KIF6: variants seen among roughly 807,000 people sequenced by gnomAD.
KIF6 encodes kinesin-like protein KIF6.
A neutral mutation model predicts 112.7 loss-of-function variants in KIF6; 106 were observed. The ratio of observed to expected loss-of-function variants is 0.94; its 90% CI spans 0.80 to 1.11. The LOEUF (loss-of-function observed/expected upper bound fraction) is 1.11, where lower values mean the gene tolerates loss of function less well. Ranked by LOEUF, KIF6 falls within the 50% of genes least tolerant of loss-of-function variation. KIF6 has a pLI of 0.00. For synonymous variants in KIF6, 339 were observed against 339.9 expected (o/e 1.00, Z 0.03); for missense variants, 929 against 964.0 (o/e 0.96, Z 0.48).
chr6:39,512,123 T>C (rs551246942), intron 13 of KIF6, among the ~76,000 whole-genome samples: 20 of 152,166 alleles, frequency 1.3e-4, no homozygotes, highest in Non-Finnish European at 2.8e-4. Flanking sequence ...TGATAACCGA[T>C]GGACTACAGG....
intron 3 of KIF6, among the ~76,000 whole-genome samples, chr6:39,659,183 T>C (rs890026000): frequency 6.6e-6 from 1 of 152,190 alleles, no homozygotes; most frequent in African/African-American, 2.4e-5. Flanking sequence ...TATTGTACCA[T>C]AAAGATGCAT....
At chr6:39,482,541 C>T (rs989889911) in intron 13 of KIF6, among the ~76,000 whole-genome samples, 1 of 152,172 alleles carries the variant, frequency 6.6e-6, no homozygotes, top group Non-Finnish European at 1.5e-5. Context: ...TGCATTATTT[C>T]TTTTCATATA....
intron 3 of KIF6, among the ~76,000 whole-genome samples, chr6:39,694,223 G>A (rs1329974826): frequency 6.6e-6 from 1 of 151,848 alleles, no homozygotes; most frequent in Non-Finnish European, 1.5e-5. Context: ...TACTGAATGG[G>A]CAAAAGGTGG....
chr6:39,453,616 T>C lies in KIF6; in HGVS notation c.1646-22455A>G, dbSNP rs115030307. ...CTATTTTTGTATGTTCCCCAAACCC[T>C]AAAATAAAATCCATTAATCGATCAC... is the stretch of plus-strand genomic sequence containing the variant. On this transcript the variant is annotated intron_variant, in intron 13 of 22. Transcript: ENST00000287152. 7.3e-3 allele frequency among the ~76,000 whole-genome samples: 1,118 copies of C among 152,296 alleles called. 15 individuals carry two copies. The highest frequency in any genetic ancestry group is 0.026 in the African/African-American group (1,070 of 41,566).
At chr6:39,543,194 A>G (rs1397467067) in intron 12 of KIF6, among the ~76,000 whole-genome samples, 1 of 152,188 alleles carries the variant, frequency 6.6e-6, no homozygotes, top group Non-Finnish European at 1.5e-5. Context: ...AGGAGTATTT[A>G]AAGGAGAAGA....
chr6:39,481,151 A>C (rs1001960510), intron 13 of KIF6, among the ~76,000 whole-genome samples: 2 of 152,156 alleles, frequency 1.3e-5, no homozygotes, highest in Non-Finnish European at 2.9e-5. Flanking sequence ...TTAAAAAATG[A>C]AGAAAGATAA....
intron 13 of KIF6, among the ~76,000 whole-genome samples, chr6:39,437,333 T>C (rs1444899906): frequency 6.6e-6 from 1 of 152,228 alleles, no homozygotes; most frequent in African/African-American, 2.4e-5. Flanking sequence ...TTTGACTTTC[T>C]CTTTTCCAAT....
intron 13 of KIF6, among the ~76,000 whole-genome samples, chr6:39,506,166 G>A (rs1582003485): frequency 6.6e-6 from 1 of 152,188 alleles, no homozygotes; most frequent in African/African-American, 2.4e-5. Flanking sequence ...GGAATACTAT[G>A]CAGCCATAAA....
At chr6:39,354,010 C>A in intron 19 of KIF6, 1 of 386,056 alleles carries the variant, frequency 2.6e-6, no homozygotes, top group East Asian at 8.8e-5. Context: ...GGTCCAAGCC[C>A]AGATTGATAG....
chr6:39,486,035 C>G (rs979235590), intron 13 of KIF6, among the ~76,000 whole-genome samples: 5 of 152,166 alleles, frequency 3.3e-5, no homozygotes. Flanking sequence ...GAGTCCCTGC[C>G]AGGCAATGAA....
chr6:39,462,820 A>T (rs1773559925), intron 13 of KIF6, among the ~76,000 whole-genome samples: 1 of 152,136 alleles, frequency 6.6e-6, no homozygotes, highest in Non-Finnish European at 1.5e-5. Context: ...AAGGGCTAGG[A>T]ACTTGTACAG....
At chr6:39,358,386 T>G (rs944649653) in intron 18 of KIF6, among the ~76,000 whole-genome samples, 6 of 152,230 alleles carry the variant, frequency 3.9e-5, no homozygotes, top group Admixed American at 3.3e-4. Flanking sequence ...AATTGGCCCC[T>G]CTGTACCAGT....
chr6:39,421,170 C>T (rs1041609564), intron 14 of KIF6, among the ~76,000 whole-genome samples: 1 of 152,154 alleles, frequency 6.6e-6, no homozygotes, highest in Non-Finnish European at 1.5e-5. Context: ...ATGCCATTAG[C>T]GTTTGACTAG....
chr6:39,648,216 G>T, intron 3 of KIF6, among the ~76,000 whole-genome samples: 1 of 87,140 alleles, frequency 1.1e-5, no homozygotes, highest in East Asian at 4.0e-4. Flanking sequence ...TAGAGACGGG[G>T]GGCGGGCGGG....
At chr6:39,390,762 G>A (rs1459457579) in intron 15 of KIF6, among the ~76,000 whole-genome samples, 6 of 152,100 alleles carry the variant, frequency 3.9e-5, no homozygotes, top group Non-Finnish European at 8.8e-5. Context: ...CTGCCTGAGG[G>A]GCCTCTTTGA....
intron 10 of KIF6, among the ~76,000 whole-genome samples, chr6:39,565,202 T>C (rs1024424249): frequency 9.6e-6 from 1 of 104,228 alleles, no homozygotes; most frequent in African/African-American, 7.5e-5. Flanking sequence ...AGACAGTTAT[T>C]TGGATAATTT....
At chr6:39,479,320 G>T (rs138248436) in intron 13 of KIF6, among the ~76,000 whole-genome samples, 299 of 152,206 alleles carry the variant, frequency 2.0e-3, no homozygotes, top group African/African-American at 6.8e-3. Context: ...CCTACACGTG[G>T]CTTGCCAATT....
chr6:39,688,449 T>A (rs762697569), intron 3 of KIF6, among the ~76,000 whole-genome samples: 61 of 152,318 alleles, frequency 4.0e-4, no homozygotes, highest in Middle Eastern at 3.4e-3. Flanking sequence ...TACATCATAT[T>A]AATCAGTACC....
At chr6:39,519,873 T>C (rs1415030604) in intron 13 of KIF6, among the ~76,000 whole-genome samples, 2 of 151,716 alleles carry the variant, frequency 1.3e-5, no homozygotes, top group African/African-American at 4.8e-5. Context: ...AATACAAAAA[T>C]AAGCCGGGTG....
Sources: allele counts gnomAD v4.1 joint callset (sites outside exome capture counted in the v4.1 genomes callset), GRCh38; gene constraint gnomAD v4.1.1; transcripts MANE v1.5; gene names NCBI Gene and HGNC (gene_info 2026-07-23, HGNC 2026-07-21).